NRG1: variants seen among roughly 807,000 people sequenced by gnomAD.
NRG1 encodes neuregulin 1.
A neutral mutation model predicts 63.8 loss-of-function variants in NRG1; 18 were observed. The observed-to-expected ratio is 0.28, with a 90% CI of 0.19 to 0.42. The LOEUF is 0.42. Ranked by LOEUF, NRG1 falls within the 10% of genes least tolerant of loss-of-function variation. NRG1 has a pLI of 1.00. For missense variants in NRG1, 762 were observed against 814.7 expected (o/e 0.94, Z 0.79); for synonymous variants, 302 against 301.3 (o/e 1.00, Z -0.02).
intron 1 of NRG1, among the ~76,000 whole-genome samples, chr8:32,229,781 A>G (rs984185471): frequency 9.9e-5 from 15 of 152,214 alleles, no homozygotes; most frequent in African/African-American, 3.4e-4. Flanking sequence ...GACATTGGCC[A>G]TATAATTTCT....
intron 1 of NRG1, among the ~76,000 whole-genome samples, chr8:31,924,005 C>T (rs1834130158): frequency 6.6e-6 from 1 of 152,276 alleles, no homozygotes; most frequent in Non-Finnish European, 1.5e-5. Context: ...AATTATTACA[C>T]TTAAGATAAT....
At chr8:31,777,562 A>C (rs1387827934) in intron 1 of NRG1, among the ~76,000 whole-genome samples, 1 of 152,186 alleles carries the variant, frequency 6.6e-6, no homozygotes, top group African/African-American at 2.4e-5. Context: ...CCCTGTTCTT[A>C]GTTCATTTGT....
At chr8:31,977,145 A>G (rs1808328899) in intron 1 of NRG1, among the ~76,000 whole-genome samples, 1 of 152,188 alleles carries the variant, frequency 6.6e-6, no homozygotes, top group South Asian at 2.1e-4. Context: ...ATGTTCAAAT[A>G]TTTTAAAAGC....
At chr8:32,090,069 A>G (rs1310614444) in intron 1 of NRG1, among the ~76,000 whole-genome samples, 1 of 152,166 alleles carries the variant, frequency 6.6e-6, no homozygotes, top group Non-Finnish European at 1.5e-5. Flanking sequence ...GCATAAATCT[A>G]TCAACAGCCA....
At chr8:32,125,152 A>G (rs146887589) in intron 1 of NRG1, among the ~76,000 whole-genome samples, 409 of 152,000 alleles carry the variant, frequency 2.7e-3, no homozygotes, top group Non-Finnish European at 4.9e-3. Flanking sequence ...CCCTCACCAG[A>G]CACCAAATGT....
chr8:32,401,752 A>C (rs1813240701), intron 1 of NRG1, among the ~76,000 whole-genome samples: 1 of 152,180 alleles, frequency 6.6e-6, no homozygotes, highest in Admixed American at 6.5e-5. Context: ...AGGTGGGAGG[A>C]GGGAGAAGAT....
intron 1 of NRG1, among the ~76,000 whole-genome samples, chr8:31,941,108 C>T (rs1355630574): frequency 1.3e-5 from 2 of 151,938 alleles, no homozygotes; most frequent in Non-Finnish European, 2.9e-5. Flanking sequence ...ACGAAAACTA[C>T]AGTCAGTATC....
At chr8:32,580,419 A>G (rs542312224) in intron 1 of NRG1, among the ~76,000 whole-genome samples, 1 of 152,164 alleles carries the variant, frequency 6.6e-6, no homozygotes, top group Admixed American at 6.6e-5. Context: ...AAATGCTAAA[A>G]TTTTCTGAGA....
intron 5 of NRG1, among the ~76,000 whole-genome samples, chr8:32,699,741 A>G (rs1035838835): frequency 1.3e-5 from 2 of 152,146 alleles, no homozygotes; most frequent in South Asian, 4.1e-4. Context: ...CTCTAGAAAC[A>G]TGCTAATATT....
intron 1 of NRG1, among the ~76,000 whole-genome samples, chr8:32,270,504 C>A (rs1370531373): frequency 6.6e-6 from 1 of 152,174 alleles, no homozygotes; most frequent in Non-Finnish European, 1.5e-5. Flanking sequence ...GAGGGCAACA[C>A]AAATTTACAT....
intron 1 of NRG1, among the ~76,000 whole-genome samples, chr8:31,854,917 C>G (rs920637674): frequency 6.6e-6 from 1 of 152,020 alleles, no homozygotes; most frequent in African/African-American, 2.4e-5. Context: ...TGTAGCTGAG[C>G]GGTTTTGAGT....
intron 1 of NRG1, among the ~76,000 whole-genome samples, chr8:32,391,107 T>C (rs1407671375): frequency 1.3e-5 from 2 of 151,864 alleles, no homozygotes; most frequent in East Asian, 3.9e-4. Flanking sequence ...GGTTTCTGTA[T>C]GTGTGTGTGT....
At chr8:31,766,330 C>T (rs1818056531) in intron 1 of NRG1, among the ~76,000 whole-genome samples, 1 of 152,196 alleles carries the variant, frequency 6.6e-6, no homozygotes, top group African/African-American at 2.4e-5. Flanking sequence ...CTTCACCCCT[C>T]TGTTACTAGC....
In NRG1 at chr8:32,044,235, C is replaced by T. The variant is rs138580624; in HGVS notation, c.37+404804C>T. On this transcript the variant is annotated intron_variant, in intron 1 of 10. Coordinates refer to the NRG1 transcript ENST00000519301. ...TGACATTAAATAATAATAAAAAGAA[C>T]AATTTACTAAGAAGACATAACAACC... Among the ~76,000 whole-genome samples, 15 of 151,870 alleles carry T rather than the reference C, an allele frequency of 9.9e-5. 1 individual carries two copies. Among genetic ancestry groups the T allele is most frequent in the African/African-American group, 3.6e-4 (15 of 41,532 alleles).
intron 1 of NRG1, among the ~76,000 whole-genome samples, chr8:32,188,010 C>T (rs1842129044): frequency 6.6e-6 from 1 of 152,046 alleles, no homozygotes; most frequent in African/African-American, 2.4e-5. Flanking sequence ...CAAGAAATGA[C>T]TGGAGCATCT....
rs899135130 is a variant in NRG1 at position 32,647,568 on chromosome 8, C to T, written c.502+30683C>T. The T allele has an allele frequency of 2.5e-5, 34 of 1,361,118 alleles. No individual in the cohort carries two copies. In the African/African-American group the frequency reaches 4.4e-4, roughly 18 times the overall value. The allele number at this position is 1,361,118 out of a possible 1,614,324, so 84.3% of individuals were successfully genotyped here. A position where few individuals can be genotyped will look rare whatever the true frequency, so the allele number is the denominator to read the frequency against. ...AGGAGCTTTTCTTCCCCCCTTGCAT[C>T]TTTCTGAACTCTTCTTGATTTTAAT... On this transcript the variant is annotated intron_variant, in intron 5 of 11. Coordinates refer to ENST00000356819, the Ensembl canonical transcript of NRG1.
intron 1 of NRG1, among the ~76,000 whole-genome samples, chr8:32,423,477 C>G (rs1816946902): frequency 6.6e-6 from 1 of 152,044 alleles, no homozygotes; most frequent in South Asian, 2.1e-4. Flanking sequence ...AATCTTGTCT[C>G]TACAAAAAAT....
At chr8:32,667,344 TTTTG>T (rs1023875890) in intron 5 of NRG1, among the ~76,000 whole-genome samples, 1 of 152,206 alleles carries the variant, frequency 6.6e-6, no homozygotes, top group African/African-American at 2.4e-5. Flanking sequence ...ATATGCCATA[TTTTG>T]TTTATCTCTT....
chr8:32,292,481 C>G (rs1318055463), intron 1 of NRG1, among the ~76,000 whole-genome samples: 1 of 152,184 alleles, frequency 6.6e-6, no homozygotes. Context: ...TTGATTACTA[C>G]AGTTGAAGAG....
Sources: allele counts gnomAD v4.1 joint callset (sites outside exome capture counted in the v4.1 genomes callset), GRCh38; gene constraint gnomAD v4.1.1; transcripts MANE v1.5; gene names NCBI Gene and HGNC (gene_info 2026-07-23, HGNC 2026-07-21).